RYR3: variants seen among roughly 807,000 people sequenced by gnomAD.
The protein encoded by RYR3 is brain ryanodine receptor-calcium release channel.
A neutral mutation model predicts 584.3 loss-of-function variants in RYR3; 207 were observed. The observed-to-expected ratio is 0.35, with a 90% CI of 0.32 to 0.40. RYR3 has a LOEUF of 0.40. Ranked by LOEUF, RYR3 falls within the 10% of genes least tolerant of loss-of-function variation. The pLI is 1.00. For missense variants in RYR3, 5,616 were observed against 6,089.2 expected (o/e 0.92, Z 2.59); for synonymous variants, 2,416 against 2,248.5 (o/e 1.07, Z -2.11).
intron 12 of RYR3, among the ~76,000 whole-genome samples, chr15:33,575,929 T>C (rs111540625): frequency 2.0e-5 from 3 of 152,010 alleles, no homozygotes; most frequent in African/African-American, 7.3e-5. Context: ...AAAGGGGATA[T>C]TAGCATTGAC....
intron 3 of RYR3, among the ~76,000 whole-genome samples, chr15:33,518,166 A>C (rs1441013119): frequency 6.6e-6 from 1 of 152,130 alleles, no homozygotes; most frequent in Non-Finnish European, 1.5e-5. Flanking sequence ...GGCCATCACA[A>C]ACTGCTTCTC....
Position 33,825,794 on chromosome 15 carries a change from G to A in RYR3, c.11146+118G>A, listed in dbSNP as rs183990654. On this transcript the variant is annotated intron_variant, in intron 82 of 103. Transcript: ENST00000634891. Reference sequence around the variant, plus strand: ...GTTGCTCAGGCTGGACTGCAGTGGCGCGATCTCACCTCACTGCAACCTCTG... The same window carrying A: ...GTTGCTCAGGCTGGACTGCAGTGGCACGATCTCACCTCACTGCAACCTCTG... The A allele has an allele frequency of 1.3e-3, 796 of 630,986 alleles. 5 individuals carry two copies. The highest frequency in any genetic ancestry group is 0.011 in the African/African-American group (565 of 50,124). 39.1% of individuals were successfully genotyped at this position (630,986 alleles called of 1,614,324 possible).
intron 76 of RYR3, among the ~76,000 whole-genome samples, 199 bp from the exon 77 acceptor site, chr15:33,819,557 C>T (rs982126080): frequency 6.6e-6 from 1 of 151,876 alleles, no homozygotes; most frequent in Non-Finnish European, 1.5e-5. Flanking sequence ...ACCTGTAATC[C>T]CAGCTACTGG....
chr15:33,341,178 A>G (rs954536959), intron 1 of RYR3, among the ~76,000 whole-genome samples: 8 of 152,140 alleles, frequency 5.3e-5, no homozygotes, highest in Non-Finnish European at 1.2e-4. Flanking sequence ...AGCTGGGACT[A>G]CAGGTGCGCC....
chr15:33,825,377 C>A (rs2077322655), intron 81 of RYR3, among the ~76,000 whole-genome samples: 1 of 152,172 alleles, frequency 6.6e-6, no homozygotes, highest in African/African-American at 2.4e-5. Flanking sequence ...GTGTTCATGA[C>A]CCCTCTACCT....
rs59940186 is a variant in RYR3, at chr15:33,614,791, T to C, written c.2357+1416T>C. Reference sequence around the variant, plus strand: ...TCTGATTTATACTTTAACACTTGGGTTTTTTCCTATTGTTTTTTGTTTTTC... The same window carrying C: ...TCTGATTTATACTTTAACACTTGGGCTTTTTCCTATTGTTTTTTGTTTTTC... On this transcript the variant is annotated intron_variant, in intron 19 of 103. Coordinates refer to ENST00000634891, the MANE Select transcript of RYR3 (RefSeq NM_001036.6). Among the ~76,000 whole-genome samples the C allele has an allele frequency of 1.1e-3, 173 of 152,192 alleles. 1 individual carries two copies. Among genetic ancestry groups the C allele is most frequent in the African/African-American group, 3.8e-3 (159 of 41,544 alleles).
chr15:33,864,229 T>G (rs777770512), intron 103 of RYR3, 40 bp downstream of exon 103: 1 of 1,528,626 alleles, frequency 6.5e-7, no homozygotes, highest in Non-Finnish European at 9.0e-7. Context: ...TAGATCTCCC[T>G]TTCCTAAATC....
chr15:33,746,063 TAC>T lies in RYR3; in HGVS notation c.7900-3_7900-2del. On this transcript the variant is annotated splice_region_variant and splice_polypyrimidine_tract_variant and intron_variant, in intron 52 of 103. Transcript: ENST00000634891. ...AGGATATTTGAACTGAGAACATTTC[TAC>T]AGAGTCAGAGTGGATGGAAATATGG... 6.3e-7 allele frequency: 1 copy of T among 1,579,924 alleles called. No homozygotes were observed. Among genetic ancestry groups the T allele is most frequent in the Non-Finnish European group, 8.6e-7 (1 of 1,159,572 alleles).
intron 91 of RYR3, 113 bp from the exon 92 acceptor site, chr15:33,843,375 A>T (rs2078504395): frequency 1.4e-6 from 1 of 694,674 alleles, no homozygotes; most frequent in East Asian, 2.8e-5. Context: ...GTCATCAAAG[A>T]GTAGGACGAG....
At chr15:33,525,809 G>A (rs2054341627) in intron 3 of RYR3, among the ~76,000 whole-genome samples, 1 of 152,154 alleles carries the variant, frequency 6.6e-6, no homozygotes, top group Admixed American at 6.5e-5. Flanking sequence ...AACCTCCCAG[G>A]CAATGTAAAA....
chr15:33,463,795 A>G (rs1884835450), intron 1 of RYR3, among the ~76,000 whole-genome samples: 1 of 152,146 alleles, frequency 6.6e-6, no homozygotes, highest in South Asian at 2.1e-4. Context: ...CTTCTTGGTA[A>G]TGGGAAAAGT....
chr15:33,680,328 G>C (rs1466211750), intron 38 of RYR3, among the ~76,000 whole-genome samples: 3 of 152,154 alleles, frequency 2.0e-5, no homozygotes, highest in African/African-American at 4.8e-5. Flanking sequence ...GCCCAACTCA[G>C]GTAGAATAGC....
intron 17 of RYR3, 52 bp downstream of exon 17, chr15:33,601,604 T>C (rs370394116): frequency 1.2e-6 from 2 of 1,601,498 alleles, no homozygotes; most frequent in African/African-American, 1.3e-5. Flanking sequence ...GCCTGTCTTG[T>C]CCCCAAGCAG....
chr15:33,734,182 C>A (rs4780169), intron 48 of RYR3, among the ~76,000 whole-genome samples: 42,710 of 151,768 alleles, frequency 0.28, 7,110 homozygotes, highest in African/African-American at 0.47. Context: ...ATCTCCTTCC[C>A]AAACCAGGCC....
chr15:33,652,242 A>G (rs2062519667), intron 31 of RYR3, among the ~76,000 whole-genome samples: 2 of 152,146 alleles, frequency 1.3e-5, no homozygotes, highest in African/African-American at 4.8e-5. Flanking sequence ...CATCCTAAGG[A>G]ATGTGGGCCC....
intron 93 of RYR3, chr15:33,847,633 T>A (rs2078811476): frequency 6.6e-6 from 1 of 152,152 alleles, no homozygotes; most frequent in Non-Finnish European, 1.5e-5. Context: ...TGGCAGTAGG[T>A]CCTTAGAGCC....
At chr15:33,386,228 C>G (rs2041593400) in intron 1 of RYR3, among the ~76,000 whole-genome samples, 1 of 152,114 alleles carries the variant, frequency 6.6e-6, no homozygotes, top group South Asian at 2.1e-4. Flanking sequence ...AAAATTTGTA[C>G]TAAATATCAG....
At chr15:33,720,005 T>C (rs1024500070) in intron 43 of RYR3, among the ~76,000 whole-genome samples, 6 of 152,228 alleles carry the variant, frequency 3.9e-5, no homozygotes, top group Non-Finnish European at 7.3e-5. Context: ...TAGTGTGTGA[T>C]ACATTGGATA....
At chr15:33,463,970 T>G (rs1349667705) in intron 1 of RYR3, among the ~76,000 whole-genome samples, 2 of 152,088 alleles carry the variant, frequency 1.3e-5, no homozygotes, top group Admixed American at 1.3e-4. Flanking sequence ...ATTCCCAGGT[T>G]TTTTGGGGGT....
Sources: gnomAD v4.1 joint callset for allele counts (sites outside exome capture counted in the v4.1 genomes callset) on GRCh38, gnomAD v4.1.1 for gene constraint, MANE v1.5 for transcripts, NCBI Gene and HGNC (gene_info 2026-07-23, HGNC 2026-07-21) for gene names.